Variants in CES5A observed in about 807,000 individuals in gnomAD.
CES5A encodes carboxylesterase 5A.
Under a neutral mutation model 62.9 loss-of-function variants are expected in CES5A, and 67 were observed. That is an observed-to-expected ratio of 1.07 (90% CI 0.88 to 1.31). The LOEUF (loss-of-function observed/expected upper bound fraction) is 1.31. Among genes scored for constraint, CES5A ranks in the 50% most tolerant of loss-of-function variants. The pLI is 0.00. For missense variants in CES5A, 748 were observed against 708.5 expected (o/e 1.06, Z -0.63); for synonymous variants, 296 against 280.8 (o/e 1.05, Z -0.54).
chr16:55,909,570 G>GCGCACACACACA (rs1555485425), intron 1 of CES5A, among the ~76,000 whole-genome samples: 1 of 150,046 alleles, frequency 6.7e-6, no homozygotes, highest in Non-Finnish European at 1.5e-5. Context: ...GTGCGCACGT[G>GCGCACACACACA]CACACACACA....
chr16:55,917,806 G>A (rs529014626), intron 1 of CES5A, among the ~76,000 whole-genome samples: 2 of 152,128 alleles, frequency 1.3e-5, no homozygotes, highest in Non-Finnish European at 2.9e-5. Flanking sequence ...GGGTCACTGA[G>A]GCCATCTTAA....
upstream of CES5A, among the ~76,000 whole-genome samples, chr16:55,879,305 T>G (rs2033737035): frequency 6.6e-6 from 1 of 151,812 alleles, no homozygotes; most frequent in African/African-American, 2.4e-5. Flanking sequence ...ACCCCACCAC[T>G]GCACTGCATC....
chr16:55,905,042 C>G (rs1256297787), intron 1 of CES5A, among the ~76,000 whole-genome samples: 1 of 152,218 alleles, frequency 6.6e-6, no homozygotes, highest in African/African-American at 2.4e-5. Context: ...CACCCAAGCT[C>G]TATCCATGCA....
intron 2 of CES5A, among the ~76,000 whole-genome samples, chr16:55,947,554 G>A (rs1261630956): frequency 6.6e-6 from 1 of 152,062 alleles, no homozygotes; most frequent in Non-Finnish European, 1.5e-5. Context: ...AATAAACAAG[G>A]AAATCCATTG....
chr16:55,896,507 G>A (rs530019060), intron 1 of CES5A, among the ~76,000 whole-genome samples: 24 of 152,320 alleles, frequency 1.6e-4, no homozygotes, highest in African/African-American at 5.5e-4. Context: ...AGAATCATGA[G>A]CCAAATAAAC....
intron 2 of CES5A, among the ~76,000 whole-genome samples, chr16:55,945,332 G>T (rs1226024056): frequency 1.3e-5 from 2 of 152,230 alleles, no homozygotes; most frequent in Non-Finnish European, 2.9e-5. Flanking sequence ...GCACAAGGTT[G>T]TTCAGTGAAT....
intron 8 of CES5A, among the ~76,000 whole-genome samples, chr16:55,856,770 A>G (rs2033252704): frequency 6.6e-6 from 1 of 152,214 alleles, no homozygotes; most frequent in Admixed American, 6.5e-5. Flanking sequence ...GCAATTCAGA[A>G]TGTGACTATT....
At chr16:55,869,469 C>CA in intron 4 of CES5A, 142 bp downstream of exon 4, 1 of 1,347,822 alleles carries the variant, frequency 7.4e-7, no homozygotes, top group Non-Finnish European at 9.6e-7. Flanking sequence ...GCTACAGCTG[C>CA]AAAAATTACC....
At position 55,922,173 on chromosome 16, in the gene CES5A, T is replaced by A. The variant is rs1210483966; in HGVS notation, c.-256+3150A>T. Among the ~76,000 whole-genome samples the A allele has an allele frequency of 2.0e-5, 3 of 152,034 alleles. 1 individual carries two copies. In the East Asian group the frequency reaches 5.8e-4, roughly 29 times the overall value. The stretch of plus-strand genomic sequence containing the variant: ...AAAACAAACAACAAAATGTCAATAG[T>A]AAGCCCTTACTTAATAATAACACTG... On this transcript the variant is annotated intron_variant, in intron 1 of 12. Transcript: ENST00000518005.
intron 1 of CES5A, 39 bp from the exon 2 acceptor site, chr16:55,874,076 G>C: frequency 6.5e-7 from 1 of 1,547,324 alleles, no homozygotes; most frequent in Non-Finnish European, 8.7e-7. Flanking sequence ...GCAGGCTGGG[G>C]ACAGGCAGGG....
At chr16:55,856,496 AC>A in intron 8 of CES5A, 51 bp from the exon 9 acceptor site, 1 of 1,559,386 alleles carries the variant, frequency 6.4e-7, no homozygotes. Context: ...GAGAAGGTAA[AC>A]CCATCTCCCC....
At chr16:55,946,126 A>G (rs1432696068) in intron 2 of CES5A, among the ~76,000 whole-genome samples, 1 of 152,248 alleles carries the variant, frequency 6.6e-6, no homozygotes, top group Non-Finnish European at 1.5e-5. Context: ...TCATCGGGTT[A>G]GAAAGAAGAT....
chr16:55,856,956 T>A (rs1274299616), intron 8 of CES5A, among the ~76,000 whole-genome samples: 2 of 152,220 alleles, frequency 1.3e-5, no homozygotes, highest in Non-Finnish European at 2.9e-5. Flanking sequence ...ATGTCTGTGG[T>A]GTAAGCCTCC....
At chr16:55,945,017 A>G (rs930430401) in intron 2 of CES5A, among the ~76,000 whole-genome samples, 3 of 152,240 alleles carry the variant, frequency 2.0e-5, no homozygotes, top group Middle Eastern at 3.4e-3. Flanking sequence ...CCGGTCACTC[A>G]AGTTTTCTCT....
intron 5 of CES5A, among the ~76,000 whole-genome samples, chr16:55,864,153 A>G (rs1328063762): frequency 6.6e-6 from 1 of 152,254 alleles, no homozygotes; most frequent in Non-Finnish European, 1.5e-5. Flanking sequence ...TAATAAACAT[A>G]GAACTCTTCA....
At chr16:55,904,520 C>T (rs1207165785) in intron 1 of CES5A, among the ~76,000 whole-genome samples, 4 of 152,174 alleles carry the variant, frequency 2.6e-5, no homozygotes, top group African/African-American at 9.7e-5. Flanking sequence ...ACTCCTGGAC[C>T]CCTCAGGGTC....
At chr16:55,875,879 G>T (rs76300374), upstream of CES5A, among the ~76,000 whole-genome samples, 1,850 of 152,252 alleles carry the variant, frequency 0.012, 64 homozygotes, top group East Asian at 0.11. Flanking sequence ...ATATTATCAA[G>T]TCTGTACACC....
intron 2 of CES5A, among the ~76,000 whole-genome samples, chr16:55,938,379 A>G (rs1199464377): frequency 6.6e-6 from 1 of 152,056 alleles, no homozygotes; most frequent in African/African-American, 2.4e-5. Flanking sequence ...GAAATCAGCT[A>G]ATTGCTCTCT....
chr16:55,949,743 G>A, intron 2 of CES5A: 1 of 954,538 alleles, frequency 1.0e-6, no homozygotes, highest in East Asian at 2.9e-5. Context: ...CCAGACTCAA[G>A]GGGCAGACCC....
Sources: gnomAD v4.1 joint callset for allele counts (sites outside exome capture counted in the v4.1 genomes callset) on GRCh38, gnomAD v4.1.1 for gene constraint, MANE v1.5 for transcripts, NCBI Gene and HGNC (gene_info 2026-07-23, HGNC 2026-07-21) for gene names.